Variants in GLI2 observed in about 807,000 individuals in gnomAD.
GLI2 encodes the protein transcription activator GLI2.
Under a neutral mutation model 78.9 loss-of-function variants are expected in GLI2, and 22 were observed. That is an observed-to-expected ratio of 0.28 (90% CI 0.20 to 0.40). The LOEUF is 0.40. Among genes scored for constraint, GLI2 ranks in the 10% least tolerant of loss-of-function variants. GLI2 has a pLI of 1.00. For missense variants in GLI2, 2,097 were observed against 2,213.2 expected, an observed-to-expected ratio of 0.95 and a Z score of 1.05; for synonymous variants, 974 against 963.7, an observed-to-expected ratio of 1.01 and a Z score of -0.20.
At position 120,990,193 on chromosome 2, in the gene GLI2, G is replaced by A; in HGVS notation, c.4228G>A (p.Val1410Met). The change falls in exon 14 of 14, where the codon GTG (valine) becomes ATG (methionine). Residue 1410 changes from valine (V) to methionine (M), a missense_variant. By Grantham distance (21) the Val-to-Met change is conservative. This residue lies in a region of GLI2 where 1,290 missense variants were observed against 1,261.7 expected (regional missense o/e 1.02). Coordinates refer to ENST00000361492, the MANE Select transcript of GLI2 (RefSeq NM_001374353.1). ...GGGAGCGATGGGCAACATGGGGTCG[G>A]TGCCTCCCCAGCCGCCTCCGCAGGA... Reference protein sequence around the residue: ...PKGAMGNMGSVPPQPPPQDAG... With the variant: ...PKGAMGNMGSMPPQPPPQDAG... 6.2e-7 allele frequency: 1 copy of A among 1,613,320 alleles called. No individual in the cohort carries two copies. The highest frequency in any genetic ancestry group is 1.3e-5 in the African/African-American group (1 of 75,070).
intron 2 of GLI2, among the ~76,000 whole-genome samples, chr2:120,849,732 A>G (rs906119384): frequency 6.6e-6 from 1 of 152,234 alleles, no homozygotes; most frequent in Non-Finnish European, 1.5e-5. Context: ...AAAGGCTGCT[A>G]TGTGAAAGAG....
chr2:120,814,771 T>C (rs1210360609), intron 2 of GLI2, among the ~76,000 whole-genome samples: 1 of 150,798 alleles, frequency 6.6e-6, no homozygotes, highest in Admixed American at 6.6e-5. Context: ...TTGGGATTCC[T>C]GCCCCCGCCC....
At chr2:120,986,189 A>T in intron 12 of GLI2, 89 bp from the exon 13 acceptor site, 1 of 1,192,124 alleles carries the variant, frequency 8.4e-7, no homozygotes, top group Non-Finnish European at 1.2e-6. Flanking sequence ...AGGGTGGGCG[A>T]GGGTGTGGTG....
At chr2:120,942,650 C>A (rs543614579) in intron 3 of GLI2, among the ~76,000 whole-genome samples, 1 of 152,214 alleles carries the variant, frequency 6.6e-6, no homozygotes, top group Non-Finnish European at 1.5e-5. Flanking sequence ...CCCTCTGCTC[C>A]TCACAACAGA....
chr2:120,763,060 G>T (rs10204263), intron 1 of GLI2, among the ~76,000 whole-genome samples: 1 of 152,164 alleles, frequency 6.6e-6, no homozygotes, highest in Non-Finnish European at 1.5e-5. Flanking sequence ...GGCATACTCC[G>T]ACTGAGGGGC....
chr2:120,893,293 A>G (rs1677769240), intron 2 of GLI2, among the ~76,000 whole-genome samples: 1 of 152,172 alleles, frequency 6.6e-6, no homozygotes, highest in African/African-American at 2.4e-5. Flanking sequence ...CCCTGAAGGG[A>G]GAGTTCTTTT....
At chr2:120,861,395 A>G (rs1482487678) in intron 2 of GLI2, among the ~76,000 whole-genome samples, 1 of 152,162 alleles carries the variant, frequency 6.6e-6, no homozygotes, top group Non-Finnish European at 1.5e-5. Context: ...TGGCCCTTGG[A>G]TGGGCCTGCT....
intron 2 of GLI2, among the ~76,000 whole-genome samples, chr2:120,801,534 C>G (rs554809923): frequency 5.3e-5 from 8 of 152,320 alleles, no homozygotes; most frequent in Non-Finnish European, 8.8e-5. Context: ...GAATGGAACA[C>G]GATGTAGCCA....
At chr2:120,865,303 G>GC (rs930889209) in intron 2 of GLI2, among the ~76,000 whole-genome samples, 1 of 152,152 alleles carries the variant, frequency 6.6e-6, no homozygotes, top group Non-Finnish European at 1.5e-5. Flanking sequence ...TAGATGCCCT[G>GC]CCCCCCATGT....
chr2:120,959,361 TG>T (rs1459054810), intron 5 of GLI2, among the ~76,000 whole-genome samples: 1 of 152,008 alleles, frequency 6.6e-6, no homozygotes, highest in African/African-American at 2.4e-5. Flanking sequence ...GGGGTGGGGG[TG>T]GGAGCATTTT....
Position 120,812,348 on chromosome 2 carries a change from A to G in GLI2, c.148+14880A>G, listed in dbSNP as rs548618437. Reference sequence around the variant, plus strand: ...CCGCTGGATGGGCCCTTGTGCAGGCAGATGCCCTGGGTCCTGGCCCCACTT... The same window carrying G: ...CCGCTGGATGGGCCCTTGTGCAGGCGGATGCCCTGGGTCCTGGCCCCACTT... On this transcript the variant is annotated intron_variant, in intron 2 of 13. Transcript: ENST00000361492. Among the ~76,000 whole-genome samples, 26 of 152,288 alleles carry G rather than the reference A, an allele frequency of 1.7e-4. No individual in the cohort carries two copies. The East Asian group carries it at 4.8e-3, about 28-fold the overall frequency.
intron 1 of GLI2, among the ~76,000 whole-genome samples, chr2:120,764,811 A>G (rs1683319191): frequency 6.6e-6 from 1 of 152,198 alleles, no homozygotes; most frequent in Non-Finnish European, 1.5e-5. Flanking sequence ...AATTCACATA[A>G]CGTGGAACAT....
intron 3 of GLI2, among the ~76,000 whole-genome samples, chr2:120,937,748 C>T (rs896642377): frequency 1.1e-4 from 17 of 152,200 alleles, no homozygotes; most frequent in Admixed American, 5.2e-4. Flanking sequence ...ACACCCACCT[C>T]GAAGAAGAGA....
intron 2 of GLI2, among the ~76,000 whole-genome samples, chr2:120,844,019 C>T (rs1687001879): frequency 6.6e-6 from 1 of 152,190 alleles, no homozygotes; most frequent in Non-Finnish European, 1.5e-5. Context: ...GGACCCATCT[C>T]TCACTGGGCC....
At chr2:120,854,610 T>C (rs934093055) in intron 2 of GLI2, among the ~76,000 whole-genome samples, 2 of 152,176 alleles carry the variant, frequency 1.3e-5, no homozygotes, top group Non-Finnish European at 2.9e-5. Context: ...GTCTCCACGA[T>C]GTGTATGTTC....
chr2:120,883,298 C>T (rs577456910), intron 2 of GLI2, among the ~76,000 whole-genome samples: 1 of 152,212 alleles, frequency 6.6e-6, no homozygotes, highest in Non-Finnish European at 1.5e-5. Context: ...CAAGCCTGGG[C>T]AACATGGCAA....
At chr2:120,896,671 C>CCA (rs1485728780) in intron 2 of GLI2, among the ~76,000 whole-genome samples, 2 of 137,860 alleles carry the variant, frequency 1.5e-5, no homozygotes, top group African/African-American at 6.1e-5. Context: ...ATACACCCAC[C>CCA]CCCCCACACA....
chr2:120,769,309 G>A (rs1683457518), intron 1 of GLI2, among the ~76,000 whole-genome samples: 1 of 152,254 alleles, frequency 6.6e-6, no homozygotes, highest in Non-Finnish European at 1.5e-5. Context: ...GTGAGCCCAT[G>A]GCCAGTGTTG....
At chr2:120,743,904 G>T (rs940361594) in intron 1 of GLI2, among the ~76,000 whole-genome samples, 1 of 152,160 alleles carries the variant, frequency 6.6e-6, no homozygotes, top group African/African-American at 2.4e-5. Flanking sequence ...AAGGTCTTGG[G>T]TACCCCCTGG....
Sources: allele counts gnomAD v4.1 joint callset (sites outside exome capture counted in the v4.1 genomes callset), GRCh38; gene constraint gnomAD v4.1.1; regional missense constraint gnomAD v4.1.1; transcripts MANE v1.5; gene names NCBI Gene and HGNC (gene_info 2026-07-23, HGNC 2026-07-21).